Variants in COP1 observed in about 807,000 individuals in gnomAD.
COP1 encodes E3 ubiquitin-protein ligase COP1.
A neutral mutation model predicts 101.3 loss-of-function variants in COP1; 24 were observed. The ratio of observed to expected loss-of-function variants is 0.24; its 90% CI spans 0.17 to 0.33. The LOEUF is 0.33. COP1 is among the 10% of genes least tolerant of loss of function. The pLI is 1.00. For missense variants in COP1, 663 were observed against 906.2 expected (o/e 0.73, Z 3.45); for synonymous variants, 347 against 341.9 (o/e 1.01, Z -0.17).
At chr1:176,205,857 T>TA (rs1425655942) in intron 1 of COP1, among the ~76,000 whole-genome samples, 1 of 152,224 alleles carries the variant, frequency 6.6e-6, no homozygotes, top group Non-Finnish European at 1.5e-5. Flanking sequence ...ATAGTACAGT[T>TA]ACATCTGACA....
At chr1:176,110,878 G>A (rs1685165511) in intron 9 of COP1, among the ~76,000 whole-genome samples, 1 of 152,180 alleles carries the variant, frequency 6.6e-6, no homozygotes. Flanking sequence ...TATCAGCAGG[G>A]CGCAGTGGCT....
intron 10 of COP1, among the ~76,000 whole-genome samples, chr1:176,083,110 C>A (rs1679483337): frequency 6.6e-6 from 1 of 152,018 alleles, no homozygotes; most frequent in East Asian, 1.9e-4. Context: ...AATAAAAATC[C>A]CAACTGTACT....
At chr1:176,115,190 T>G (rs1685971042) in intron 9 of COP1, among the ~76,000 whole-genome samples, 1 of 152,248 alleles carries the variant, frequency 6.6e-6, no homozygotes, top group South Asian at 2.1e-4. Flanking sequence ...GGCTCACGCC[T>G]GTAATCCCAG....
intron 11 of COP1, among the ~76,000 whole-genome samples, chr1:176,056,924 G>A (rs933961786): frequency 1.3e-5 from 2 of 152,262 alleles, no homozygotes; most frequent in Non-Finnish European, 2.9e-5. Flanking sequence ...TCTACTCTGA[G>A]CAAAGGATAA....
At chr1:176,047,553 T>C (rs572843392) in intron 11 of COP1, among the ~76,000 whole-genome samples, 14 of 152,354 alleles carry the variant, frequency 9.2e-5, no homozygotes, top group African/African-American at 3.4e-4. Context: ...TTAAAATCTA[T>C]GTGTATGAAT....
chr1:176,149,377 C>T (rs977778135), intron 5 of COP1, among the ~76,000 whole-genome samples: 1 of 152,064 alleles, frequency 6.6e-6, no homozygotes, highest in Non-Finnish European at 1.5e-5. Flanking sequence ...TTCTCTTCCC[C>T]AACTCAACTA....
intron 11 of COP1, among the ~76,000 whole-genome samples, chr1:176,070,684 C>T (rs1676839672): frequency 6.6e-6 from 1 of 152,038 alleles, no homozygotes; most frequent in Admixed American, 6.6e-5. Context: ...ACAAAAAAAC[C>T]TCTGTCATCC....
At chr1:176,117,423 T>C (rs560039196) in intron 8 of COP1, among the ~76,000 whole-genome samples, 1 of 152,312 alleles carries the variant, frequency 6.6e-6, no homozygotes, top group East Asian at 1.9e-4. Context: ...GTGTAGACTA[T>C]CTTTTACTTC....
intron 8 of COP1, among the ~76,000 whole-genome samples, chr1:176,132,352 T>C (rs78337215): frequency 0.034 from 5,093 of 151,866 alleles, 118 homozygotes; most frequent in Non-Finnish European, 0.047. Context: ...AGAATCCTCT[T>C]GCAAAGCCCT....
chr1:175,993,645 T>C lies in COP1; in HGVS notation c.1730-4166A>G, dbSNP rs192824669. Among the ~76,000 whole-genome samples the C allele has an allele frequency of 6.1e-3, 924 of 151,848 alleles. 6 individuals are homozygous for C. Among genetic ancestry groups the C allele is most frequent in the Non-Finnish European group, 9.6e-3 (649 of 67,888 alleles). On this transcript the variant is annotated intron_variant, in intron 15 of 19. Transcript: ENST00000367669. ...GATGAACTGGAAGAAAGGGTATCAG[T>C]GATGGAAGATGAAATGAATGAAATG...
chr1:175,951,984 C>G (rs1472440174), intron 18 of COP1, among the ~76,000 whole-genome samples: 1 of 152,132 alleles, frequency 6.6e-6, no homozygotes, highest in Non-Finnish European at 1.5e-5. Context: ...CAAGGCACAC[C>G]ACAGTTACAC....
intron 5 of COP1, among the ~76,000 whole-genome samples, chr1:176,154,124 T>C (rs529650145): frequency 2.1e-4 from 32 of 152,178 alleles, no homozygotes; most frequent in African/African-American, 6.7e-4. Context: ...TAGGGAGGAG[T>C]GCCTCTTCCT....
chr1:176,112,309 T>C (rs1685436720), intron 9 of COP1, among the ~76,000 whole-genome samples: 1 of 152,050 alleles, frequency 6.6e-6, no homozygotes. Flanking sequence ...TCTACATTTT[T>C]TTTAAATTTT....
chr1:175,964,856 T>C (rs1455869176), intron 18 of COP1, among the ~76,000 whole-genome samples: 2 of 152,216 alleles, frequency 1.3e-5, no homozygotes, highest in Non-Finnish European at 2.9e-5. Context: ...AAACTCACAA[T>C]CTATACTATA....
At chr1:176,073,121 T>C (rs538888922) in intron 11 of COP1, among the ~76,000 whole-genome samples, 5 of 152,266 alleles carry the variant, frequency 3.3e-5, no homozygotes, top group African/African-American at 9.6e-5. Context: ...GTTTTTTTCA[T>C]CTGTAAAATG....
intron 9 of COP1, among the ~76,000 whole-genome samples, chr1:176,094,779 C>T (rs1451330219): frequency 2.6e-5 from 4 of 151,896 alleles, no homozygotes; most frequent in Non-Finnish European, 5.9e-5. Context: ...TTATGGTCAG[C>T]CTGTAAATTA....
At chr1:176,086,278 T>G (rs1162968051) in intron 9 of COP1, among the ~76,000 whole-genome samples, 1 of 146,146 alleles carries the variant, frequency 6.8e-6, no homozygotes, top group East Asian at 2.0e-4. Context: ...CAGGCTGGAG[T>G]GCAGTGGCAC....
intron 1 of COP1, among the ~76,000 whole-genome samples, chr1:176,194,965 T>C (rs867165575): frequency 1.3e-5 from 2 of 150,024 alleles, no homozygotes; most frequent in African/African-American, 2.4e-5. Flanking sequence ...CCCATGCCTG[T>C]GGTCTCAGCT....
At chr1:176,009,010 A>G (rs1664104901) in intron 15 of COP1, among the ~76,000 whole-genome samples, 1 of 152,142 alleles carries the variant, frequency 6.6e-6, no homozygotes, top group Admixed American at 6.6e-5. Flanking sequence ...CACAGAGCTC[A>G]TGGTCAACCA....
Sources: allele counts gnomAD v4.1 joint callset (sites outside exome capture counted in the v4.1 genomes callset), GRCh38; gene constraint gnomAD v4.1.1; transcripts MANE v1.5; gene names NCBI Gene and HGNC (gene_info 2026-07-23, HGNC 2026-07-21).